HECW2: variants seen among roughly 807,000 people sequenced by gnomAD.
The protein encoded by HECW2 is HECT, C2 and WW domain containing E3 ubiquitin protein ligase 2.
In HECW2, 61 loss-of-function variants were observed where a neutral mutation model predicts 175.2. The observed-to-expected ratio is 0.35, with a 90% CI of 0.28 to 0.43. HECW2 has a LOEUF of 0.43. Ranked by LOEUF, HECW2 falls within the 20% of genes least tolerant of loss-of-function variation. The pLI is 1.00. For synonymous variants in HECW2, 671 were observed against 731.0 expected (o/e 0.92, Z 1.32); for missense variants, 1,524 against 2,000.5 (o/e 0.76, Z 4.54).
intron 19 of HECW2, among the ~76,000 whole-genome samples, chr2:196,246,722 T>TA (rs1688660198): frequency 6.6e-6 from 1 of 151,962 alleles, no homozygotes; most frequent in Non-Finnish European, 1.5e-5. Context: ...CTGATTACTT[T>TA]AAAAAACAGC....
At chr2:196,530,614 GT>G (rs1688807876) in intron 1 of HECW2, among the ~76,000 whole-genome samples, 1 of 152,088 alleles carries the variant, frequency 6.6e-6, no homozygotes, top group African/African-American at 2.4e-5. Flanking sequence ...CCTTAACATG[GT>G]TTAGTGAGCT....
chr2:196,558,276 T>G (rs1013365763), intron 1 of HECW2, among the ~76,000 whole-genome samples: 2 of 152,078 alleles, frequency 1.3e-5, no homozygotes, highest in Non-Finnish European at 2.9e-5. Context: ...GATTCAGAGA[T>G]AGAGAGAGAA....
At chr2:196,378,982 A>G (rs1041628781) in intron 2 of HECW2, among the ~76,000 whole-genome samples, 1 of 152,116 alleles carries the variant, frequency 6.6e-6, no homozygotes, top group East Asian at 1.9e-4. Context: ...TTGGGGAAAA[A>G]CATTAACTTG....
At chr2:196,275,420 T>C (rs546392789) in intron 15 of HECW2, among the ~76,000 whole-genome samples, 19 of 152,362 alleles carry the variant, frequency 1.2e-4, no homozygotes, top group African/African-American at 3.8e-4. Context: ...TTTATTCATT[T>C]GTAGTAGGGT....
intron 1 of HECW2, among the ~76,000 whole-genome samples, chr2:196,572,467 G>C (rs1690421755): frequency 1.3e-5 from 2 of 152,170 alleles, no homozygotes; most frequent in Admixed American, 6.5e-5. Context: ...ACAGGCATGA[G>C]CCACCATGCC....
intron 7 of HECW2, among the ~76,000 whole-genome samples, chr2:196,320,699 G>A (rs1188404675): frequency 6.6e-6 from 1 of 152,180 alleles, no homozygotes; most frequent in Non-Finnish European, 1.5e-5. Flanking sequence ...TATGCTATGT[G>A]ATATTTTTAA....
intron 23 of HECW2, among the ~76,000 whole-genome samples, chr2:196,225,009 G>A (rs969558625): frequency 7.9e-5 from 12 of 152,274 alleles, no homozygotes; most frequent in East Asian, 1.9e-4. Context: ...AAGCAAGTGC[G>A]TGGCCTCAGT....
intron 2 of HECW2, among the ~76,000 whole-genome samples, chr2:196,364,638 T>C (rs1237273970): frequency 6.6e-6 from 1 of 152,190 alleles, no homozygotes; most frequent in African/African-American, 2.4e-5. Flanking sequence ...TCTTATGTTT[T>C]TACTTACTAT....
rs201049319 is a variant in HECW2 at position 196,278,590 on chromosome 2, G to A, written c.3073C>T (p.Pro1025Ser). 6.2e-7 allele frequency: 1 copy of A among 1,614,098 alleles called. No individual in the cohort carries two copies. The highest frequency in any genetic ancestry group is 8.5e-7 in the Non-Finnish European group (1 of 1,180,010). ...DPRLPLQSSRPTSALVHRQHL... is the reference protein window; with the variant it reads ...DPRLPLQSSRSTSALVHRQHL... Reference sequence around the variant, plus strand: ...TGCCGATGAACCAGCGCACTTGTGGGTCTACTGCTCTGAAGTGGGAGCCGG... The same window carrying A: ...TGCCGATGAACCAGCGCACTTGTGGATCTACTGCTCTGAAGTGGGAGCCGG... Residue 1025 changes from proline (P) to serine (S), a missense_variant, in exon 15 of 29, where the codon CCC (proline) becomes TCC (serine). Coordinates refer to ENST00000644978, the MANE Select transcript of HECW2 (RefSeq NM_001348768.2).
intron 2 of HECW2, among the ~76,000 whole-genome samples, chr2:196,346,049 G>A (rs1415752065): frequency 3.3e-5 from 5 of 152,198 alleles, no homozygotes; most frequent in Non-Finnish European, 7.4e-5. Context: ...TAAAAACGTT[G>A]TTGTAACAGA....
chr2:196,238,174 A>T (rs1303639118), intron 21 of HECW2, among the ~76,000 whole-genome samples: 1 of 152,230 alleles, frequency 6.6e-6, no homozygotes, highest in Non-Finnish European at 1.5e-5. Flanking sequence ...GGCTGCAGTG[A>T]GCCAAGATCA....
At chr2:196,556,340 G>A (rs932438503) in intron 1 of HECW2, among the ~76,000 whole-genome samples, 2 of 152,076 alleles carry the variant, frequency 1.3e-5, no homozygotes, top group Non-Finnish European at 2.9e-5. Flanking sequence ...CAAATTTCAA[G>A]TATACAATAT....
chr2:196,319,408 T>C lies in HECW2; in HGVS notation c.1482A>G (p.Ala494=), dbSNP rs1021593437. The C allele has an allele frequency of 4.3e-6, 7 of 1,614,088 alleles. No homozygotes were observed. The highest frequency in any genetic ancestry group is 1.7e-5 in the Admixed American group (1 of 60,016). ...TCAGGCTTCCATCATCAGCTCTGGATGCCCTGCTAAACATGATCAGGCCTC... is the reference window on the plus strand; with the variant it reads ...TCAGGCTTCCATCATCAGCTCTGGACGCCCTGCTAAACATGATCAGGCCTC... ...EEGGLIMFSR[A]SRADDGSLTS... is the part of the protein sequence containing the mutation. The change falls in exon 9 of 29, where the codon GCA becomes GCG. Residue 494 remains alanine (A), a synonymous_variant. Coordinates refer to ENST00000644978, the MANE Select transcript of HECW2 (RefSeq NM_001348768.2).
At chr2:196,465,913 G>C (rs1227430359) in intron 1 of HECW2, among the ~76,000 whole-genome samples, 1 of 151,852 alleles carries the variant, frequency 6.6e-6, no homozygotes, top group East Asian at 1.9e-4. Context: ...AATATTTATT[G>C]AACATTTGCT....
At chr2:196,242,345 G>C (rs1229571896) in intron 19 of HECW2, 141 bp from the exon 20 acceptor site, 2 of 1,109,468 alleles carry the variant, frequency 1.8e-6, no homozygotes, top group Non-Finnish European at 2.6e-6. Context: ...ATTTCTGCAA[G>C]TTGAAGGATA....
At chr2:196,504,990 C>G (rs902115060) in intron 1 of HECW2, among the ~76,000 whole-genome samples, 5 of 152,104 alleles carry the variant, frequency 3.3e-5, no homozygotes, top group Non-Finnish European at 5.9e-5. Flanking sequence ...ATCTGTAAAA[C>G]TATTAATACA....
At chr2:196,382,314 G>A (rs1694229790) in intron 2 of HECW2, among the ~76,000 whole-genome samples, 1 of 151,464 alleles carries the variant, frequency 6.6e-6, no homozygotes, top group Non-Finnish European at 1.5e-5. Flanking sequence ...TGAAACTAAT[G>A]AGCATTGTTA....
intron 2 of HECW2, among the ~76,000 whole-genome samples, chr2:196,367,411 G>C (rs1693773776): frequency 6.6e-6 from 1 of 152,064 alleles, no homozygotes; most frequent in African/African-American, 2.4e-5. Flanking sequence ...CTTTGATACA[G>C]GCATACAATG....
At chr2:196,409,842 C>G (rs577624716) in intron 2 of HECW2, among the ~76,000 whole-genome samples, 10 of 152,318 alleles carry the variant, frequency 6.6e-5, no homozygotes, top group Non-Finnish European at 1.2e-4. Context: ...GAGTTCCAGT[C>G]TTGATCCTGA....
Sources: allele counts gnomAD v4.1 joint callset (sites outside exome capture counted in the v4.1 genomes callset), GRCh38; gene constraint gnomAD v4.1.1; transcripts MANE v1.5; gene names NCBI Gene and HGNC (gene_info 2026-07-23, HGNC 2026-07-21).